RCSD1: variants seen among roughly 807,000 people sequenced by gnomAD.
RCSD1 encodes capZ-interacting protein.
Under a neutral mutation model 42.5 loss-of-function variants are expected in RCSD1, and 26 were observed. The ratio of observed to expected loss-of-function variants is 0.61; its 90% CI spans 0.45 to 0.85. The LOEUF (loss-of-function observed/expected upper bound fraction) is 0.85. Ranked by LOEUF, RCSD1 falls within the 40% of genes least tolerant of loss-of-function variation. The pLI is 0.00. For synonymous variants in RCSD1, 220 were observed against 212.2 expected, an observed-to-expected ratio of 1.04 and a Z score of -0.32; for missense variants, 571 against 528.3, an observed-to-expected ratio of 1.08 and a Z score of -0.79.
chr1:167,634,120 C>T (rs1415988557), intron 1 of RCSD1, among the ~76,000 whole-genome samples: 1 of 152,166 alleles, frequency 6.6e-6, no homozygotes, highest in Non-Finnish European at 1.5e-5. Flanking sequence ...TAGGGAACTC[C>T]TTCCCCTCTC....
Position 167,708,278 on chromosome 1 carries a change from G to C in RCSD1, c.*3582G>C, listed in dbSNP as rs1659807864. Among the ~76,000 whole-genome samples, 1 of 152,196 alleles carries C rather than the reference G, an allele frequency of 6.6e-6. No homozygotes were observed. Among genetic ancestry groups the C allele is most frequent in the Non-Finnish European group, 1.5e-5 (1 of 68,034 alleles). On this transcript the variant is annotated 3_prime_UTR_variant, in exon 7 of 7. Coordinates refer to ENST00000367854, the MANE Select transcript of RCSD1 (RefSeq NM_052862.4). ...AATCAGGGTGCTGTTACCAAAAGAA[G>C]CTATGCTGGCAGGCAAAAAACAACA...
intron 1 of RCSD1, among the ~76,000 whole-genome samples, chr1:167,674,360 A>G (rs1226960153): frequency 3.3e-5 from 5 of 152,216 alleles, no homozygotes; most frequent in African/African-American, 1.2e-4. Context: ...GCATGAGGGA[A>G]GGAAAGTCAC....
intron 1 of RCSD1, among the ~76,000 whole-genome samples, chr1:167,639,941 C>T (rs1251737083): frequency 6.6e-6 from 1 of 152,256 alleles, no homozygotes; most frequent in African/African-American, 2.4e-5. Flanking sequence ...CCCTTGGCCC[C>T]TGTTGTCCAG....
chr1:167,630,680 T>G (rs78120440), intron 1 of RCSD1: 3 of 208,256 alleles, frequency 1.4e-5, no homozygotes, highest in South Asian at 3.9e-4. Context: ...AGAAAAGGGC[T>G]TTCCTAGAGG....
intron 1 of RCSD1, among the ~76,000 whole-genome samples, chr1:167,650,772 G>A (rs566953538): frequency 6.4e-4 from 98 of 152,210 alleles, no homozygotes; most frequent in Non-Finnish European, 1.2e-3. Context: ...GGAGTAGGGA[G>A]AGGGGTGAGC....
In RCSD1 at chr1:167,694,267, C is replaced by A; in HGVS notation, c.439C>A (p.Pro147Thr). ...GGAGGTGCCTGTCAGCTTCGACCAG[C>A]CCCCTGAAGGCAGTCATCTGCCCTG... ...AEEVPVSFDQ[P>T]PEGSHLPCYN... The change falls in exon 5 of 7, where the codon CCC becomes ACC. Residue 147 changes from proline (P) to threonine (T), a missense_variant. Coordinates refer to ENST00000367854, the MANE Select transcript of RCSD1 (RefSeq NM_052862.4). 1.2e-6 allele frequency: 2 copies of A among 1,614,158 alleles called. No individual in the cohort carries two copies. Among genetic ancestry groups the A allele is most frequent in the South Asian group, 1.1e-5 (1 of 91,082 alleles).
At chr1:167,696,294 T>C (rs1007428254) in intron 5 of RCSD1, among the ~76,000 whole-genome samples, 10 of 152,108 alleles carry the variant, frequency 6.6e-5, no homozygotes, top group African/African-American at 2.4e-4. Flanking sequence ...TCTTTTTTAC[T>C]GGATAGGAAG....
chr1:167,633,343 T>A (rs1372507386), intron 1 of RCSD1, among the ~76,000 whole-genome samples: 2 of 152,090 alleles, frequency 1.3e-5, no homozygotes, highest in Non-Finnish European at 2.9e-5. Context: ...GAGTTCAGAC[T>A]AGATTAGGTT....
At chr1:167,630,836 T>C (rs1657680047) in intron 1 of RCSD1, among the ~76,000 whole-genome samples, 1 of 140,520 alleles carries the variant, frequency 7.1e-6, no homozygotes, top group South Asian at 2.2e-4. Flanking sequence ...TCTGAAGAGA[T>C]GGGTATTGAA....
chr1:167,670,751 A>T (rs932288807), intron 1 of RCSD1, among the ~76,000 whole-genome samples: 3 of 151,844 alleles, frequency 2.0e-5, no homozygotes, highest in African/African-American at 4.8e-5. Context: ...TCTGTAAATG[A>T]CACTCCTCTC....
intron 1 of RCSD1, chr1:167,664,272 G>C (rs1047246047): frequency 6.6e-6 from 1 of 152,256 alleles, no homozygotes; most frequent in African/African-American, 2.4e-5. Context: ...CTGGACAGGA[G>C]TGGCTGGATG....
chr1:167,655,534 G>A (rs747999626), intron 1 of RCSD1, among the ~76,000 whole-genome samples: 14 of 152,228 alleles, frequency 9.2e-5, no homozygotes, highest in East Asian at 7.7e-4. Flanking sequence ...TATGACCTGC[G>A]TGTGCCATCC....
rs1659518005 is a variant in RCSD1 at position 167,697,223 on chromosome 1, A to C, written c.599A>C (p.Glu200Ala). ...VESSQQNGAK[E>A]EDGDEVLPSK... ...TCATCTCAGCAGAACGGTGCTAAGGAAGAGGATGGGGATGAAGTGTTGCCA... is the reference window on the plus strand; with the variant it reads ...TCATCTCAGCAGAACGGTGCTAAGGCAGAGGATGGGGATGAAGTGTTGCCA... The change falls in exon 6 of 7, where the codon GAA (glutamate) becomes GCA (alanine). Residue 200 changes from glutamate to alanine, a missense_variant. Glu to Ala is a moderately radical substitution (Grantham distance 107, BLOSUM62 -1). Coordinates refer to ENST00000367854, the MANE Select transcript of RCSD1 (RefSeq NM_052862.4). 6.2e-7 allele frequency: 1 copy of C among 1,614,086 alleles called. No homozygotes were observed. The highest frequency in any genetic ancestry group is 1.1e-5 in the South Asian group (1 of 91,088).
chr1:167,699,364 G>A (rs1032931347), intron 6 of RCSD1, among the ~76,000 whole-genome samples: 8 of 152,124 alleles, frequency 5.3e-5, no homozygotes, highest in African/African-American at 1.7e-4. Flanking sequence ...CAGTTCTGGG[G>A]GAGAATCTGT....
intron 1 of RCSD1, among the ~76,000 whole-genome samples, chr1:167,669,307 A>G (rs1207593731): frequency 6.6e-6 from 1 of 152,208 alleles, no homozygotes; most frequent in Non-Finnish European, 1.5e-5. Flanking sequence ...TTTTCTTCCT[A>G]GCTTCCTGCT....
chr1:167,659,545 A>G (rs1418001953), intron 1 of RCSD1, among the ~76,000 whole-genome samples: 1 of 152,022 alleles, frequency 6.6e-6, no homozygotes, highest in Non-Finnish European at 1.5e-5. Flanking sequence ...AGTAATCTCA[A>G]TTTGCCTTCA....
chr1:167,658,655 T>C (rs1558078590), intron 1 of RCSD1, among the ~76,000 whole-genome samples: 2 of 152,074 alleles, frequency 1.3e-5, no homozygotes, highest in South Asian at 4.1e-4. Context: ...GGCCTAGAAC[T>C]CCTGACCTCA....
chr1:167,702,157 T>G (rs912363102), intron 6 of RCSD1, among the ~76,000 whole-genome samples: 2 of 152,240 alleles, frequency 1.3e-5, no homozygotes, highest in Admixed American at 1.3e-4. Context: ...GACAAGGCAG[T>G]AGAATAAATG....
chr1:167,642,674 T>C (rs543109979), intron 1 of RCSD1, among the ~76,000 whole-genome samples: 33 of 152,272 alleles, frequency 2.2e-4, no homozygotes, highest in Middle Eastern at 6.8e-3. Flanking sequence ...GAGGTGAACG[T>C]CTTTGTGGCT....
Sources: allele counts gnomAD v4.1 joint callset (sites outside exome capture counted in the v4.1 genomes callset), GRCh38; gene constraint gnomAD v4.1.1; transcripts MANE v1.5; gene names NCBI Gene and HGNC (gene_info 2026-07-23, HGNC 2026-07-21).